OR2L13: variants seen among roughly 807,000 people sequenced by gnomAD.
OR2L13 encodes the protein olfactory receptor 2L13.
A neutral mutation model predicts 15.3 loss-of-function variants in OR2L13; 14 were observed. The observed-to-expected ratio is 0.91, with a 90% CI of 0.60 to 1.43. The LOEUF is 1.43. Among genes scored for constraint, OR2L13 ranks in the 40% most tolerant of loss-of-function variants. The pLI is 0.00. For missense variants in OR2L13, 367 were observed against 387.9 expected (o/e 0.95, Z 0.45); for synonymous variants, 152 against 142.9 (o/e 1.06, Z -0.45).
chr1:248,042,297 T>C, the OR2L13 span: 4 of 139,196 alleles, frequency 2.9e-5, no homozygotes, highest in Non-Finnish European at 6.0e-5. Context: ...TAGGTGGGAA[T>C]TGAACAATGA....
chr1:247,999,376 T>G, the OR2L13 span, among the ~76,000 whole-genome samples: 2 of 152,144 alleles, frequency 1.3e-5, no homozygotes, highest in African/African-American at 4.8e-5. Flanking sequence ...CTGTGAGAGC[T>G]GATGCACTAT....
At chr1:247,956,356 A>G in the OR2L13 span, among the ~76,000 whole-genome samples, 1 of 151,208 alleles carries the variant, frequency 6.6e-6, no homozygotes, top group African/African-American at 2.4e-5. Context: ...GCCTTGTAGT[A>G]TAGTTTGAAG....
At chr1:247,994,698 A>G in the OR2L13 span, among the ~76,000 whole-genome samples, 1 of 152,154 alleles carries the variant, frequency 6.6e-6, no homozygotes, top group African/African-American at 2.4e-5. Flanking sequence ...GACTATGGTT[A>G]ATACTATTGT....
chr1:247,955,845 C>T, the OR2L13 span, among the ~76,000 whole-genome samples: 1 of 151,884 alleles, frequency 6.6e-6, no homozygotes, highest in Non-Finnish European at 1.5e-5. Context: ...TATTATTAGC[C>T]CTTTTTCAGA....
chr1:248,010,405 A>G, the OR2L13 span, among the ~76,000 whole-genome samples: 1 of 152,214 alleles, frequency 6.6e-6, no homozygotes, highest in Admixed American at 6.5e-5. Flanking sequence ...TATTCTGTTG[A>G]TTTGGGGTGG....
the OR2L13 span, among the ~76,000 whole-genome samples, chr1:248,014,441 G>A: frequency 1.3e-5 from 2 of 152,090 alleles, no homozygotes; most frequent in South Asian, 2.1e-4. Context: ...GTGACAAATT[G>A]TAGTGCTTTG....
chr1:248,084,678 T>G, the OR2L13 span: 1 of 1,497,614 alleles, frequency 6.7e-7, no homozygotes, highest in South Asian at 1.4e-5. Flanking sequence ...CTAACTTCCC[T>G]CTTTTTTTTC....
At chr1:247,966,451 G>C in the OR2L13 span, 1 of 1,080,090 alleles carries the variant, frequency 9.3e-7, no homozygotes, top group Non-Finnish European at 1.3e-6. Flanking sequence ...TGTTTAACTT[G>C]TAAAGCAATA....
the OR2L13 span, among the ~76,000 whole-genome samples, chr1:247,945,893 G>T: frequency 5.3e-5 from 8 of 151,984 alleles, no homozygotes; most frequent in Non-Finnish European, 7.4e-5. Context: ...GTGCATTTTT[G>T]CACATGAGAT....
At chr1:248,018,110 A>G in the OR2L13 span, among the ~76,000 whole-genome samples, 40 of 150,994 alleles carry the variant, frequency 2.6e-4, no homozygotes, top group African/African-American at 7.6e-4. Context: ...AGCCGAGATC[A>G]CACCACTGCA....
At chr1:248,100,793 C>G (rs968491379) in exon 3 of OR2L13, 5 of 167,162 alleles carry the variant, frequency 3.0e-5, no homozygotes, top group African/African-American at 1.2e-4. Flanking sequence ...TTAGAGCATC[C>G]CCAATCAATA....
At chr1:248,095,836 A>T (rs1572742072), upstream of OR2L13, among the ~76,000 whole-genome samples, 1 of 149,636 alleles carries the variant, frequency 6.7e-6, no homozygotes, top group African/African-American at 2.4e-5. Context: ...CGAACTCCTG[A>T]CCTCGTGATC....
chr1:247,975,426 G>A, the OR2L13 span: 1 of 706,656 alleles, frequency 1.4e-6, no homozygotes, highest in African/African-American at 1.8e-5. Context: ...GGAGGAAGAA[G>A]GCCTATTCGA....
the OR2L13 span, chr1:247,965,738 A>G: frequency 6.4e-7 from 1 of 1,562,454 alleles, no homozygotes; most frequent in Non-Finnish European, 8.7e-7. Flanking sequence ...ATGTCTTATG[A>G]TCGCTATGTA....
the OR2L13 span, among the ~76,000 whole-genome samples, chr1:247,941,804 GTGGCAGGGATACAGGAATGTC>G: frequency 6.6e-6 from 1 of 152,276 alleles, no homozygotes; most frequent in African/African-American, 2.4e-5. Flanking sequence ...AATACAATGT[GTGGCAGGGATACAGGAATGTC>G]TCTTATTCTC....
chr1:248,009,222 A>C, the OR2L13 span, among the ~76,000 whole-genome samples: 3 of 152,164 alleles, frequency 2.0e-5, no homozygotes, highest in Non-Finnish European at 4.4e-5. Context: ...CCTTCAAAAA[A>C]TCAATGAATC....
the OR2L13 span, among the ~76,000 whole-genome samples, chr1:247,996,215 C>T: frequency 6.6e-6 from 1 of 152,374 alleles, no homozygotes; most frequent in Non-Finnish European, 1.5e-5. Flanking sequence ...AAACAATCCT[C>T]CTGCCTCAGT....
At chr1:248,003,142 C>T in the OR2L13 span, 4 of 1,346,774 alleles carry the variant, frequency 3.0e-6, no homozygotes, top group Non-Finnish European at 4.3e-6. Flanking sequence ...TGGAAAATTG[C>T]AATCAAACAT....
At chr1:247,956,358 A>C in the OR2L13 span, among the ~76,000 whole-genome samples, 2,010 of 151,300 alleles carry the variant, frequency 0.013, 38 homozygotes, top group African/African-American at 0.044. Context: ...CTTGTAGTAT[A>C]GTTTGAAGTC....
Sources: allele counts gnomAD v4.1 joint callset (sites outside exome capture counted in the v4.1 genomes callset), GRCh38; gene constraint gnomAD v4.1.1; transcripts MANE v1.5; gene names NCBI Gene and HGNC (gene_info 2026-07-23, HGNC 2026-07-21).